The following AGBL4 variants were observed in gnomAD, a reference collection of about 807,000 sequenced individuals.
AGBL4 encodes cytosolic carboxypeptidase 6.
In AGBL4, 58 loss-of-function variants were observed where a neutral mutation model predicts 66.4. That is an observed-to-expected ratio of 0.87 (90% CI 0.71 to 1.09). The LOEUF (loss-of-function observed/expected upper bound fraction) is 1.09, where lower values mean the gene tolerates loss of function less well. Ranked by LOEUF, AGBL4 falls within the 50% of genes least tolerant of loss-of-function variation. The probability of loss-of-function intolerance (pLI) is 0.00; values close to 1 mark genes in which losing one functional copy is unlikely to be tolerated. For synonymous variants in AGBL4, 234 were observed against 222.9 expected, an observed-to-expected ratio of 1.05 and a Z score of -0.44; for missense variants, 579 against 631.0, an observed-to-expected ratio of 0.92 and a Z score of 0.88.
chr1:48,701,054 T>A (rs1646792835), intron 6 of AGBL4, among the ~76,000 whole-genome samples: 1 of 152,178 alleles, frequency 6.6e-6, no homozygotes, highest in African/African-American at 2.4e-5. Context: ...TTTGCACTAA[T>A]GCCCAAGCCC....
rs548405476 is a variant in AGBL4 at position 49,816,757 on chromosome 1, G to A, written c.157+34639C>T. ...ACCAGGGTTTGTCTCTTGTATATTA[G>A]ATAACAAGACTAATTGGCAGCATCT... On this transcript the variant is annotated intron_variant, in intron 2 of 13. Coordinates refer to ENST00000371839, the MANE Select transcript of AGBL4 (RefSeq NM_032785.4). Among the ~76,000 whole-genome samples the A allele has an allele frequency of 2.0e-5, 3 of 152,296 alleles. No individual in the cohort carries two copies. The East Asian group carries it at 5.8e-4, about 29-fold the overall frequency.
At chr1:49,003,455 CA>C (rs771559685) in intron 5 of AGBL4, among the ~76,000 whole-genome samples, 7 of 151,948 alleles carry the variant, frequency 4.6e-5, no homozygotes, top group Non-Finnish European at 8.8e-5. Context: ...AAATAAAGTT[CA>C]AAGATTTAAT....
chr1:48,697,291 G>T (rs901874917), intron 6 of AGBL4, among the ~76,000 whole-genome samples: 2 of 152,144 alleles, frequency 1.3e-5, no homozygotes, highest in African/African-American at 4.8e-5. Context: ...GCTGCCACCT[G>T]CTGGTGACTT....
At chr1:48,982,384 C>T (rs992310579) in intron 5 of AGBL4, among the ~76,000 whole-genome samples, 3 of 152,124 alleles carry the variant, frequency 2.0e-5, no homozygotes, top group Non-Finnish European at 4.4e-5. Context: ...TGTGATGTTC[C>T]CCTTCCTGTG....
At chr1:48,985,679 A>G (rs1159222904) in intron 5 of AGBL4, among the ~76,000 whole-genome samples, 2 of 152,152 alleles carry the variant, frequency 1.3e-5, no homozygotes, top group Admixed American at 6.6e-5. Flanking sequence ...GCATCCCAGA[A>G]TGAAGTTTAA....
chr1:49,790,325 C>A (rs1433559058), intron 2 of AGBL4, among the ~76,000 whole-genome samples: 1 of 145,406 alleles, frequency 6.9e-6, no homozygotes, highest in Non-Finnish European at 1.5e-5. Flanking sequence ...GATCGCATGA[C>A]TGCATTCCAG....
At chr1:49,809,437 C>T (rs1046544665) in intron 2 of AGBL4, among the ~76,000 whole-genome samples, 6 of 151,756 alleles carry the variant, frequency 4.0e-5, no homozygotes, top group Admixed American at 1.3e-4. Flanking sequence ...GGAATGCAGT[C>T]TCTAATAAAG....
chr1:48,533,853 A>G lies in AGBL4; in HGVS notation c.*320T>C, dbSNP rs758069454. On this transcript the variant is annotated 3_prime_UTR_variant, in exon 14 of 14. Coordinates refer to ENST00000371839, the MANE Select transcript of AGBL4 (RefSeq NM_032785.4). ...AAGTGGCTTTGAAAGAACTGACCTG[A>G]TATGTGTCAAATCTCTTAAAAGGGA... 14 of 364,616 alleles carry G rather than the reference A, an allele frequency of 3.8e-5. No individual in the cohort carries two copies. The highest frequency in any genetic ancestry group is 2.0e-4 in the South Asian group (8 of 39,130). 22.6% of individuals were successfully genotyped at this position (364,616 alleles called of 1,614,324 possible). A position where few individuals can be genotyped will look rare whatever the true frequency, so the allele number is the denominator to read the frequency against.
intron 3 of AGBL4, among the ~76,000 whole-genome samples, chr1:49,466,315 C>A (rs1570785007): frequency 6.6e-6 from 1 of 152,004 alleles, no homozygotes; most frequent in Middle Eastern, 3.4e-3. Flanking sequence ...TCTAAAGGAG[C>A]ATCTTTTTCA....
chr1:49,279,782 C>T (rs1406166291), intron 3 of AGBL4, among the ~76,000 whole-genome samples: 2 of 152,128 alleles, frequency 1.3e-5, no homozygotes, highest in South Asian at 4.1e-4. Context: ...CTTTAAGCTG[C>T]ACTTAATTAT....
intron 3 of AGBL4, among the ~76,000 whole-genome samples, chr1:49,516,615 G>A (rs1649846518): frequency 6.6e-6 from 1 of 151,964 alleles, no homozygotes; most frequent in African/African-American, 2.4e-5. Flanking sequence ...TTTATATGAG[G>A]TGGGTAATGG....
Position 48,985,118 on chromosome 1 carries a change from C to T in AGBL4, c.594+60466G>A, listed in dbSNP as rs189006471. ...ATACATGGAAAAATGGTTTACAAGACATTGGACATAAGACAATGAAGGTCA... is the reference window on the plus strand; with the variant it reads ...ATACATGGAAAAATGGTTTACAAGATATTGGACATAAGACAATGAAGGTCA... On this transcript the variant is annotated intron_variant, in intron 5 of 13. Coordinates refer to ENST00000371839, the MANE Select transcript of AGBL4 (RefSeq NM_032785.4). Among the ~76,000 whole-genome samples the T allele has an allele frequency of 2.6e-5, 4 of 152,192 alleles. No homozygotes were observed. The East Asian group carries it at 7.7e-4, about 29-fold the overall frequency.
Position 49,045,737 on chromosome 1 carries a change from C to A in AGBL4, c.441G>T (p.Val147=). The A allele has an allele frequency of 6.4e-7, 1 of 1,552,008 alleles. No individual in the cohort carries two copies. The highest frequency in any genetic ancestry group is 8.7e-7 in the Non-Finnish European group (1 of 1,147,002). The change falls in exon 5 of 14, where the codon GTG becomes GTT. Residue 147 remains valine, a synonymous_variant. Transcript: ENST00000371839. ...GGTCAAAACAAAAGGCAAAGGACATCACATAGTTCTTCCTATGGTCCGGGC... is the reference window on the plus strand; with the variant it reads ...GGTCAAAACAAAAGGCAAAGGACATAACATAGTTCTTCCTATGGTCCGGGC... ...YRCPDHRKNY[V]MSFAFCFDRE...
At chr1:49,969,181 T>C (rs945592984) in intron 1 of AGBL4, among the ~76,000 whole-genome samples, 1 of 152,180 alleles carries the variant, frequency 6.6e-6, no homozygotes, top group African/African-American at 2.4e-5. Context: ...CAGTATTTCT[T>C]TTAAACCACT....
At chr1:48,640,750 C>G (rs568715389) in intron 8 of AGBL4, among the ~76,000 whole-genome samples, 3 of 152,288 alleles carry the variant, frequency 2.0e-5, no homozygotes, top group African/African-American at 7.2e-5. Flanking sequence ...AGACACTAAG[C>G]TACTCATTTG....
At chr1:49,245,026 C>T (rs1651526263) in intron 4 of AGBL4, among the ~76,000 whole-genome samples, 1 of 151,646 alleles carries the variant, frequency 6.6e-6, no homozygotes, top group Non-Finnish European at 1.5e-5. Context: ...TTATCCTAGC[C>T]TCAATTTTTT....
At chr1:49,561,921 C>T (rs1171990829) in intron 3 of AGBL4, among the ~76,000 whole-genome samples, 8 of 152,000 alleles carry the variant, frequency 5.3e-5, no homozygotes, top group Non-Finnish European at 1.0e-4. Context: ...TACAGTCCCA[C>T]CAACAGTGTA....
chr1:49,355,544 G>A (rs991922139), intron 3 of AGBL4, among the ~76,000 whole-genome samples: 1 of 152,100 alleles, frequency 6.6e-6, no homozygotes, highest in African/African-American at 2.4e-5. Context: ...ATGAAAGTGT[G>A]TATCAAAACA....
At chr1:49,827,594 G>T (rs1645544549) in intron 2 of AGBL4, among the ~76,000 whole-genome samples, 1 of 152,122 alleles carries the variant, frequency 6.6e-6, no homozygotes, top group Non-Finnish European at 1.5e-5. Flanking sequence ...TCAAAATTTG[G>T]TCCATAGATT....
Sources: gnomAD v4.1 joint callset for allele counts (sites outside exome capture counted in the v4.1 genomes callset) on GRCh38, gnomAD v4.1.1 for gene constraint, MANE v1.5 for transcripts, NCBI Gene and HGNC (gene_info 2026-07-23, HGNC 2026-07-21) for gene names.